Variants in SETD2 observed in about 807,000 individuals in gnomAD.
SETD2 encodes the protein SET domain containing 2, histone lysine methyltransferase, also known as histone-lysine N-methyltransferase SETD2.
Under a neutral mutation model 242.1 loss-of-function variants are expected in SETD2, and 31 were observed. The ratio of observed to expected loss-of-function variants is 0.13; its 90% CI spans 0.10 to 0.17. The LOEUF is 0.17. Among genes scored for constraint, SETD2 ranks in the 10% least tolerant of loss-of-function variants. The probability of loss-of-function intolerance (pLI) is 1.00; values close to 1 mark genes in which losing one functional copy is unlikely to be tolerated. For synonymous variants in SETD2, 1,006 were observed against 1,066.5 expected (o/e 0.94, Z 1.11); for missense variants, 2,481 against 3,046.3 (o/e 0.81, Z 4.37).
chr3:47,062,333 T>C lies in SETD2; in HGVS notation c.6123A>G (p.Gly2041=), dbSNP rs1196717599. 6.2e-7 allele frequency: 1 copy of C among 1,601,134 alleles called. No homozygotes were observed. The highest frequency in any genetic ancestry group is 8.5e-7 in the Non-Finnish European group (1 of 1,175,726). The change falls in exon 14 of 21, where the codon GGA becomes GGG. Residue 2041 remains glycine (G), a synonymous_variant. Coordinates refer to ENST00000409792, the MANE Select transcript of SETD2 (RefSeq NM_014159.7). ...GATCTCTGAAGCCAACAGCATCCCT[T>C]CCTCGTTCAGTTGCTAAGGGAAAAG... is the stretch of plus-strand genomic sequence containing the variant. The part of the protein sequence containing the change: ...TEKENTTTER[G]RDAVGFRDQT...
At chr3:47,023,319 G>A (rs906213288) in intron 18 of SETD2, among the ~76,000 whole-genome samples, 1 of 152,148 alleles carries the variant, frequency 6.6e-6, no homozygotes, top group East Asian at 1.9e-4. Flanking sequence ...AGAACTGCTT[G>A]AACCCGGGAG....
intron 13 of SETD2, 25 bp from the exon 14 acceptor site, chr3:47,062,371 GTTTTTTT>G: frequency 7.3e-7 from 1 of 1,366,302 alleles, no homozygotes; most frequent in East Asian, 2.5e-5. Context: ...TGGTTTGTTT[GTTTTTTT>G]TTTTTTTAAG....
At chr3:47,055,033 C>T (rs12485875) in intron 15 of SETD2, among the ~76,000 whole-genome samples, 20,714 of 151,786 alleles carry the variant, frequency 0.14, 1,831 homozygotes, top group East Asian at 0.23. Flanking sequence ...TAAAGTCTGA[C>T]TTACTATCTT....
intron 12 of SETD2, among the ~76,000 whole-genome samples, chr3:47,067,897 T>C (rs1048157675): frequency 6.6e-6 from 1 of 152,204 alleles, no homozygotes; most frequent in African/African-American, 2.4e-5. Context: ...TACTTTCACA[T>C]TGTGTTTGTT....
In SETD2 at chr3:47,037,781, G is replaced by A. The variant is rs60828763; in HGVS notation, c.7239-4C>T. ...AGGAGGATCCCACTGAGTCTGCCTA[G>A]AAAGAGACAAAAACAGCCATGCTGT... On this transcript the variant is annotated splice_polypyrimidine_tract_variant and splice_region_variant and intron_variant, in intron 17 of 20. Transcript: ENST00000409792. 3 of 1,610,034 alleles carry A rather than the reference G, an allele frequency of 1.9e-6. No homozygotes were observed. In the Admixed American group the frequency reaches 5.0e-5, roughly 27 times the overall value.
At chr3:47,070,832 C>T (rs1397696732) in intron 12 of SETD2, among the ~76,000 whole-genome samples, 2 of 152,114 alleles carry the variant, frequency 1.3e-5, no homozygotes, top group Non-Finnish European at 2.9e-5. Context: ...TCTATAAGGT[C>T]TCAAAATGTT....
At position 47,138,596 on chromosome 3, in the gene SETD2, T is replaced by C. The variant is rs150559989; in HGVS notation, c.72-11933A>G. On this transcript the variant is annotated intron_variant, in intron 1 of 20. Transcript: ENST00000409792. ...ACCATCAAGCCTGGCTAATTTTGTA[T>C]TTTTAGTAGAGATGAGGTTTCTCCA... 4.1e-3 allele frequency among the ~76,000 whole-genome samples: 623 copies of C among 152,196 alleles called. 2 individuals are homozygous for C. The highest frequency in any genetic ancestry group is 0.014 in the Middle Eastern group (4 of 294).
intron 8 of SETD2, among the ~76,000 whole-genome samples, chr3:47,099,227 A>G (rs1056287445): frequency 1.3e-5 from 2 of 152,216 alleles, no homozygotes; most frequent in African/African-American, 4.8e-5. Context: ...AAACCTCATC[A>G]TATGGTAGCA....
Position 47,062,182 on chromosome 3 carries a change from T to C in SETD2, c.6274A>G (p.Thr2092Ala), listed in dbSNP as rs2107588669. ...SPPSSAYERG[T>A]KRPDDRYDTP... ...ACTTACCTGTCATCTGGCCTTTTTG[T>C]TCCCCGCTCATAGGCAGAAGAGGGT... Residue 2092 changes from threonine to alanine, a missense_variant, in exon 14 of 21, where the codon ACA becomes GCA. This residue lies in a region of SETD2 where 80 missense variants were observed against 102.6 expected (regional missense o/e 0.78). Transcript: ENST00000409792. 6.2e-7 allele frequency: 1 copy of C among 1,613,452 alleles called. No individual in the cohort carries two copies. Among genetic ancestry groups the C allele is most frequent in the Non-Finnish European group, 8.5e-7 (1 of 1,179,866 alleles).
chr3:47,124,626 A>G (rs1306695263), intron 2 of SETD2, 78 bp from the exon 3 acceptor site: 67 of 1,269,714 alleles, frequency 5.3e-5, no homozygotes, highest in Non-Finnish European at 6.5e-5. Flanking sequence ...TAAAATGTTT[A>G]CTGGAGAAAT....
intron 18 of SETD2, among the ~76,000 whole-genome samples, chr3:47,020,456 C>T (rs1269132552): frequency 6.6e-6 from 1 of 152,168 alleles, no homozygotes; most frequent in Non-Finnish European, 1.5e-5. Flanking sequence ...AGAAGATACT[C>T]TATGTCCCCA....
chr3:47,123,729 T>C lies in SETD2; in HGVS notation c.907A>G (p.Lys303Glu), dbSNP rs555732883. 27 of 1,551,308 alleles carry C rather than the reference T, an allele frequency of 1.7e-5. No individual in the cohort carries two copies. The East Asian group carries it at 2.4e-4, about 14-fold the overall frequency. The change falls in exon 3 of 21, where the codon AAA becomes GAA. Residue 303 changes from lysine to glutamate, a missense_variant. This residue lies in a region of SETD2 where 334 missense variants were observed against 374.5 expected (regional missense o/e 0.89). Coordinates refer to ENST00000409792, the MANE Select transcript of SETD2 (RefSeq NM_014159.7). ...PDSSKISLSCKKTGSKKKSSQ... is the reference protein window; with the variant it reads ...PDSSKISLSCEKTGSKKKSSQ... ...GATTTCTTCTTAGAACCTGTTTTTT[T>C]ACAGCTCAGACTAATCTTAGAACTA...
At chr3:47,096,568 C>T (rs1337367114) in intron 9 of SETD2, among the ~76,000 whole-genome samples, 3 of 89,204 alleles carry the variant, frequency 3.4e-5, no homozygotes, top group African/African-American at 1.7e-4. Context: ...TGAGATTTTG[C>T]CTCAAAAAAA....
Position 47,122,659 on chromosome 3 carries a change from C to A in SETD2, c.1977G>T (p.Lys659Asn), listed in dbSNP as rs2106684179. 1 of 1,613,282 alleles carries A rather than the reference C, an allele frequency of 6.2e-7. No homozygotes were observed. Among genetic ancestry groups the A allele is most frequent in the South Asian group, 1.1e-5 (1 of 91,060 alleles). The change falls in exon 3 of 21, where the codon AAG (lysine) becomes AAT (asparagine). Residue 659 changes from lysine (K) to asparagine (N), a missense_variant. By Grantham distance (94) the Lys-to-Asn change is moderately conservative (BLOSUM62 0). This residue lies in a region of SETD2 where 1,300 missense variants were observed against 1,259.2 expected (regional missense o/e 1.03). Transcript: ENST00000409792. ...IKELDSLSKV[K>N]NDQLRSFCPI... ...GACAAAAACTTCTTAATTGATCATT[C>A]TTCACTTTAGATAAAGAGTCTAATT...
At chr3:47,097,916 T>G in intron 9 of SETD2, 39 bp downstream of exon 9, 1 of 1,605,750 alleles carries the variant, frequency 6.2e-7, no homozygotes, top group Non-Finnish European at 8.5e-7. Flanking sequence ...GCTTTTTAAA[T>G]TTTTTATTGT....
chr3:47,164,055 C>T lies in SETD2; in HGVS notation c.-131G>A. ...GGCGGCGGCGGCGGCAGGGGCGGCC[C>T]GCGTCGCTACCTCGCTCGTCGCTCC... On this transcript the variant is annotated 5_prime_UTR_variant, in exon 1 of 21. Coordinates refer to ENST00000409792, the MANE Select transcript of SETD2 (RefSeq NM_014159.7). This position sits in a 1 kb window ranked among gnomAD's most constrained non-coding sequence, Gnocchi z 5.4. The T allele has an allele frequency of 8.3e-7, 1 of 1,209,474 alleles. No individual in the cohort carries two copies. Among genetic ancestry groups the T allele is most frequent in the Non-Finnish European group, 1.0e-6 (1 of 968,888 alleles). The allele number at this position is 1,209,474 out of a possible 1,614,324, so 74.9% of individuals were successfully genotyped here.
intron 1 of SETD2, among the ~76,000 whole-genome samples, chr3:47,145,684 G>A (rs975451680): frequency 2.0e-5 from 3 of 152,066 alleles, no homozygotes; most frequent in Non-Finnish European, 4.4e-5. Flanking sequence ...ATTCAGCTGA[G>A]GCCTGTATAC....
chr3:47,106,493 T>TAA (rs766455577), intron 5 of SETD2, among the ~76,000 whole-genome samples: 2,026 of 57,146 alleles, frequency 0.035, 192 homozygotes, highest in Non-Finnish European at 0.047. Context: ...ATTTTTGCTC[T>TAA]AAAAAAAAAA....
intron 14 of SETD2, among the ~76,000 whole-genome samples, 162 bp from the exon 15 acceptor site, chr3:47,057,652 C>T (rs1284583819): frequency 1.3e-5 from 2 of 152,146 alleles, no homozygotes; most frequent in East Asian, 3.9e-4. Flanking sequence ...TTGTCTTGCA[C>T]ACAGAACAGA....
Sources: allele counts gnomAD v4.1 joint callset (sites outside exome capture counted in the v4.1 genomes callset), GRCh38; gene constraint gnomAD v4.1.1; regional missense constraint gnomAD v4.1.1; non-coding constraint Gnocchi (gnomAD v3.1); transcripts MANE v1.5; gene names NCBI Gene and HGNC (gene_info 2026-07-23, HGNC 2026-07-21).